Variants in NELL1 observed in about 807,000 individuals in gnomAD.
NELL1 encodes neural EGFL like 1.
A neutral mutation model predicts 107.4 loss-of-function variants in NELL1; 76 were observed. The observed-to-expected ratio is 0.71, with a 90% CI of 0.59 to 0.86. NELL1 has a LOEUF of 0.86. Among genes scored for constraint, NELL1 ranks in the 40% least tolerant of loss-of-function variants. NELL1 has a pLI of 0.00. For missense variants in NELL1, 1,024 were observed against 1,005.5 expected, an observed-to-expected ratio of 1.02 and a Z score of -0.25; for synonymous variants, 353 against 341.2, an observed-to-expected ratio of 1.03 and a Z score of -0.38.
At chr11:20,857,084 A>AAG (rs1487698064) in intron 4 of NELL1, among the ~76,000 whole-genome samples, 7 of 152,176 alleles carry the variant, frequency 4.6e-5, no homozygotes, top group Non-Finnish European at 1.0e-4. Flanking sequence ...AAAAGGTATA[A>AAG]CTGCCCTGCT....
At chr11:21,335,979 T>A (rs1226750671) in intron 14 of NELL1, among the ~76,000 whole-genome samples, 1 of 152,118 alleles carries the variant, frequency 6.6e-6, no homozygotes, top group African/African-American at 2.4e-5. Context: ...GTTTTAGTCT[T>A]AATTTCATGC....
intron 4 of NELL1, among the ~76,000 whole-genome samples, chr11:20,859,542 G>A (rs1237322691): frequency 6.6e-6 from 1 of 152,150 alleles, no homozygotes; most frequent in South Asian, 2.1e-4. Context: ...TGGAGTAGAC[G>A]TTACACTAGT....
At chr11:20,840,353 T>G (rs1163935770) in intron 3 of NELL1, among the ~76,000 whole-genome samples, 2 of 152,212 alleles carry the variant, frequency 1.3e-5, no homozygotes, top group Non-Finnish European at 2.9e-5. Flanking sequence ...TAAAAAAAAC[T>G]ACCCCAAAAC....
At chr11:20,732,398 A>T (rs1270131743) in intron 2 of NELL1, among the ~76,000 whole-genome samples, 1 of 152,092 alleles carries the variant, frequency 6.6e-6, no homozygotes, top group Non-Finnish European at 1.5e-5. Flanking sequence ...TTTGTTCTGC[A>T]CTAATAGTTT....
At chr11:21,310,134 A>G (rs547995572) in intron 14 of NELL1, among the ~76,000 whole-genome samples, 1 of 152,256 alleles carries the variant, frequency 6.6e-6, no homozygotes, top group East Asian at 1.9e-4. Flanking sequence ...AAAATAATAG[A>G]TAAGAAGAAT....
chr11:21,091,304 G>C (rs557478255), intron 12 of NELL1, among the ~76,000 whole-genome samples: 55 of 152,292 alleles, frequency 3.6e-4, no homozygotes, highest in African/African-American at 1.1e-3. Context: ...GGAATTTCCA[G>C]CTAGTTAAAA....
rs574611106 is a variant in NELL1 at position 21,380,861 on chromosome 11, A to G, written c.1645+9913A>G. Among the ~76,000 whole-genome samples, 8 of 152,178 alleles carry G rather than the reference A, an allele frequency of 5.3e-5. 1 individual carries two copies. In the East Asian group the frequency reaches 1.6e-3, roughly 30 times the overall value. ...AGATGCAGTCTAGTATACTGAAAAG[A>G]GTACTGTATTGATGATCAGAGGCCT... On this transcript the variant is annotated intron_variant, in intron 15 of 19. Transcript: ENST00000357134.
intron 14 of NELL1, among the ~76,000 whole-genome samples, chr11:21,309,300 GTA>G (rs1409905383): frequency 0.012 from 703 of 58,120 alleles, 6 homozygotes; most frequent in African/African-American, 0.032. Flanking sequence ...ATATATATAT[GTA>G]TATATATATA....
chr11:21,408,910 TC>T (rs1466286660), intron 15 of NELL1, among the ~76,000 whole-genome samples: 1 of 151,744 alleles, frequency 6.6e-6, no homozygotes, highest in Non-Finnish European at 1.5e-5. Flanking sequence ...AGAATGGCAA[TC>T]ATTAAAAAGT....
At chr11:20,838,866 C>G (rs1305872152) in intron 3 of NELL1, among the ~76,000 whole-genome samples, 1 of 152,140 alleles carries the variant, frequency 6.6e-6, no homozygotes, top group Non-Finnish European at 1.5e-5. Flanking sequence ...CTAAATCTTG[C>G]TATTCATAAA....
chr11:21,061,040 CT>C (rs1386093270), intron 12 of NELL1, among the ~76,000 whole-genome samples: 1 of 152,146 alleles, frequency 6.6e-6, no homozygotes, highest in Non-Finnish European at 1.5e-5. Flanking sequence ...TGGCCCCACC[CT>C]TTCTTTTTTA....
chr11:20,928,332 C>G, intron 8 of NELL1, 45 bp from the exon 9 acceptor site: 1 of 1,531,342 alleles, frequency 6.5e-7, no homozygotes, highest in African/African-American at 1.4e-5. Context: ...CAGGAGCTAT[C>G]AAAGGATACT....
intron 3 of NELL1, among the ~76,000 whole-genome samples, chr11:20,797,881 C>T (rs534388761): frequency 6.6e-6 from 1 of 152,140 alleles, no homozygotes; most frequent in African/African-American, 2.4e-5. Context: ...TTACTTTGTC[C>T]AAGTTTTCAG....
At chr11:21,454,779 G>GCT (rs951385127) in intron 15 of NELL1, among the ~76,000 whole-genome samples, 8 of 152,300 alleles carry the variant, frequency 5.3e-5, no homozygotes, top group African/African-American at 1.9e-4. Context: ...TAGAGAAATA[G>GCT]CTCTGGTCAT....
chr11:21,440,650 A>G (rs970435451), intron 15 of NELL1, among the ~76,000 whole-genome samples: 1 of 151,776 alleles, frequency 6.6e-6, no homozygotes, highest in African/African-American at 2.4e-5. Context: ...TCTGGAAAAA[A>G]TGGGTATGAA....
At chr11:20,729,122 TA>T (rs1855571953) in intron 2 of NELL1, among the ~76,000 whole-genome samples, 1 of 69,240 alleles carries the variant, frequency 1.4e-5, no homozygotes, top group Admixed American at 2.1e-4. Context: ...TATTGGTATA[TA>T]AAAATGCTAC....
At chr11:21,574,946 C>G in intron 19 of NELL1, 26 bp from the exon 20 acceptor site, 1 of 1,602,734 alleles carries the variant, frequency 6.2e-7, no homozygotes, top group Non-Finnish European at 8.5e-7. Context: ...TCTCAACTGG[C>G]TAACACATGT....
intron 14 of NELL1, among the ~76,000 whole-genome samples, chr11:21,282,473 T>G: frequency 8.0e-6 from 1 of 124,952 alleles, no homozygotes. Flanking sequence ...AGTGAGACTC[T>G]GTCTCAAAAA....
intron 13 of NELL1, among the ~76,000 whole-genome samples, chr11:21,182,880 G>A (rs992579321): frequency 6.6e-6 from 1 of 151,808 alleles, no homozygotes; most frequent in South Asian, 2.1e-4. Flanking sequence ...ACTGCTACTG[G>A]AAAGAAAATT....
Sources: gnomAD v4.1 joint callset for allele counts (sites outside exome capture counted in the v4.1 genomes callset) on GRCh38, gnomAD v4.1.1 for gene constraint, MANE v1.5 for transcripts, NCBI Gene and HGNC (gene_info 2026-07-23, HGNC 2026-07-21) for gene names.